RNF123: variants seen among roughly 807,000 people sequenced by gnomAD.
RNF123 encodes the protein ring finger protein 123.
Under a neutral mutation model 168.5 loss-of-function variants are expected in RNF123, and 86 were observed. That is an observed-to-expected ratio of 0.51 (90% CI 0.43 to 0.61). The LOEUF (loss-of-function observed/expected upper bound fraction) is 0.61, where lower values mean the gene tolerates loss of function less well. Among genes scored for constraint, RNF123 ranks in the 20% least tolerant of loss-of-function variants. The pLI, the probability that RNF123 is intolerant of heterozygous loss-of-function variation, is 0.00. For missense variants in RNF123, 1,419 were observed against 1,729.7 expected, an observed-to-expected ratio of 0.82 and a Z score of 3.19; for synonymous variants, 666 against 689.1, an observed-to-expected ratio of 0.97 and a Z score of 0.52.
intron 22 of RNF123, 75 bp from the exon 23 acceptor site, chr3:49,704,909 C>T: frequency 6.8e-7 from 1 of 1,465,276 alleles, no homozygotes; most frequent in Non-Finnish European, 9.2e-7. Context: ...TGGACCCTCC[C>T]TCACAATTCT....
Position 49,713,369 on chromosome 3 carries a change from G to A in RNF123, c.2675-144G>A, listed in dbSNP as rs1413754576. ...ACAGCCACCAATGAATGCTTTGCCCGATGTCCCCAGATGCCACCCTGGGTC... is the reference window on the plus strand; with the variant it reads ...ACAGCCACCAATGAATGCTTTGCCCAATGTCCCCAGATGCCACCCTGGGTC... On this transcript the variant is annotated intron_variant, in intron 27 of 38. Coordinates refer to ENST00000327697, the MANE Select transcript of RNF123 (RefSeq NM_022064.5). 19 of 708,474 alleles carry A rather than the reference G, an allele frequency of 2.7e-5. No homozygotes were observed. In the East Asian group the frequency reaches 4.1e-4, roughly 15 times the overall value. 43.9% of individuals were successfully genotyped at this position (708,474 alleles called of 1,614,324 possible).
intron 22 of RNF123, 29 bp from the exon 23 acceptor site, chr3:49,704,955 C>G (rs1327188075): frequency 8.3e-6 from 13 of 1,575,142 alleles, no homozygotes; most frequent in Non-Finnish European, 1.1e-5. Context: ...TGAGCCAGCC[C>G]TGGTCCTGGC....
intron 21 of RNF123, among the ~76,000 whole-genome samples, chr3:49,704,033 A>G (rs1575528625): frequency 1.3e-5 from 2 of 152,194 alleles, no homozygotes; most frequent in East Asian, 1.9e-4. Flanking sequence ...GAGAGGAGTC[A>G]GGATGACCCC....
intron 5 of RNF123, 75 bp downstream of exon 5, chr3:49,697,532 C>T (rs911893242): frequency 1.7e-6 from 2 of 1,188,588 alleles, no homozygotes; most frequent in African/African-American, 1.5e-5. Context: ...TGATGTGGCC[C>T]TAGTCTCTCT....
Position 49,699,013 on chromosome 3 carries a change from C to T in RNF123, c.672C>T (p.Asn224=). The T allele has an allele frequency of 1.2e-6, 2 of 1,613,978 alleles. No homozygotes were observed. Among genetic ancestry groups the T allele is most frequent in the Non-Finnish European group, 1.7e-6 (2 of 1,180,032 alleles). The change falls in exon 10 of 39, where the codon AAC becomes AAT. Residue 224 remains asparagine, a synonymous_variant. Coordinates refer to ENST00000327697, the MANE Select transcript of RNF123 (RefSeq NM_022064.5). This position sits in a 1 kb window ranked among gnomAD's most constrained non-coding sequence, Gnocchi z 4.8. ...NGVSLGTAFE[N]LSRGLGMAYF... is the part of the protein sequence containing the mutation. ...TATCACTGGGCACTGCCTTTGAGAA[C>T]CTGTCCAGGGGCCTGGGTATGGCCT...
intron 27 of RNF123, 112 bp downstream of exon 27, chr3:49,712,768 G>A (rs1279289406): frequency 6.5e-6 from 8 of 1,232,474 alleles, no homozygotes; most frequent in South Asian, 4.9e-5. Context: ...TGTGGGGGGC[G>A]GGGAGGGGAG....
At chr3:49,713,637 T>C (rs2080185117) in intron 28 of RNF123, 50 bp downstream of exon 28, 3 of 1,586,614 alleles carry the variant, frequency 1.9e-6, no homozygotes, top group Non-Finnish European at 2.6e-6. Context: ...GGATGGCACC[T>C]CTGGTCGGCT....
chr3:49,703,252 A>T (rs2054444155), intron 20 of RNF123, among the ~76,000 whole-genome samples, 175 bp from the exon 21 acceptor site: 1 of 151,922 alleles, frequency 6.6e-6, no homozygotes. Flanking sequence ...GGTGGAGAAG[A>T]GGTAGGGGAG....
At chr3:49,717,034 C>T (rs1215427705) in intron 35 of RNF123, 1 of 153,840 alleles carries the variant, frequency 6.5e-6, no homozygotes, top group Non-Finnish European at 1.4e-5. Flanking sequence ...AGACCAGTGC[C>T]AGCCCTTAAG....
chr3:49,696,915 G>A, intron 3 of RNF123: 1 of 498,294 alleles, frequency 2.0e-6, no homozygotes, highest in South Asian at 1.8e-5. Context: ...CAAAGTGCTG[G>A]GATTACAGGC....
chr3:49,718,094 C>T, intron 35 of RNF123: 1 of 1,613,592 alleles, frequency 6.2e-7, no homozygotes, highest in Non-Finnish European at 8.5e-7. Context: ...CGGCCTGGCT[C>T]CAGAAAGACT....
chr3:49,721,507 G>A lies in RNF123; in HGVS notation c.*202G>A. The A allele has an allele frequency of 1.2e-6, 1 of 846,306 alleles. No homozygotes were observed. The highest frequency in any genetic ancestry group is 2.0e-6 in the Non-Finnish European group (1 of 503,898). The allele number at this position is 846,306 out of a possible 1,614,324, so 52.4% of individuals were successfully genotyped here. ...TGACTTTCAGTCAGGGCCACAGTGAGCATTAAATTATTATTCCATACAGCC... is the reference window on the plus strand; with the variant it reads ...TGACTTTCAGTCAGGGCCACAGTGAACATTAAATTATTATTCCATACAGCC... On this transcript the variant is annotated 3_prime_UTR_variant, in exon 39 of 39. Coordinates refer to ENST00000327697, the MANE Select transcript of RNF123 (RefSeq NM_022064.5).
rs140019398 is a variant in RNF123 at position 49,720,079 on chromosome 3, G to A, written c.3501-432G>A. ...GCCTGTAATCCCAGCACTTTGGGAA[G>A]CCAAGGCAGGTGGATCACCTGAGGT... is the stretch of plus-strand genomic sequence containing the variant. On this transcript the variant is annotated intron_variant, in intron 35 of 38. Coordinates refer to ENST00000327697, the MANE Select transcript of RNF123 (RefSeq NM_022064.5). The A allele has an allele frequency of 5.2e-3, 838 of 159,634 alleles. 3 individuals are homozygous for A. The highest frequency in any genetic ancestry group is 0.023 in the Middle Eastern group (7 of 310). 9.9% of individuals were successfully genotyped at this position (159,634 alleles called of 1,614,324 possible).
At chr3:49,705,266 C>T in intron 23 of RNF123, 84 bp downstream of exon 23, 1 of 1,461,444 alleles carries the variant, frequency 6.8e-7, no homozygotes, top group South Asian at 1.3e-5. Context: ...CCAAAATACA[C>T]CCCATGCCCT....
chr3:49,705,696 C>A lies in RNF123; in HGVS notation c.2304+17C>A. Reference sequence around the variant, plus strand: ...CTGGGCAAGGTCGTGCACTCTTGGACCCCGCATTGGGTGGCGGGTGTTGTG... The same window carrying A: ...CTGGGCAAGGTCGTGCACTCTTGGAACCCGCATTGGGTGGCGGGTGTTGTG... On this transcript the variant is annotated intron_variant, in intron 24 of 38. Transcript: ENST00000327697. 2 of 1,613,992 alleles carry A rather than the reference C, an allele frequency of 1.2e-6. No individual in the cohort carries two copies. The highest frequency in any genetic ancestry group is 1.7e-6 in the Non-Finnish European group (2 of 1,179,952).
At chr3:49,719,154 G>A (rs763999842) in intron 35 of RNF123, 1 of 1,613,610 alleles carries the variant, frequency 6.2e-7, no homozygotes, top group South Asian at 1.1e-5. Context: ...CGTTGACGAA[G>A]ACGCCGCGAC....
chr3:49,715,528 C>T (rs1233837016), intron 31 of RNF123, 47 bp from the exon 32 acceptor site: 2 of 1,610,454 alleles, frequency 1.2e-6, no homozygotes, highest in East Asian at 4.5e-5. Flanking sequence ...CAGGCAGAGG[C>T]CACTGCAGTG....
At position 49,698,826 on chromosome 3, in the gene RNF123, A is replaced by G. The variant is rs1269980622; in HGVS notation, c.638+4A>G. 1 of 1,613,862 alleles carries G rather than the reference A, an allele frequency of 6.2e-7. No individual in the cohort carries two copies. Among genetic ancestry groups the G allele is most frequent in the African/African-American group, 1.3e-5 (1 of 75,030 alleles). ...ATGGCACTCTGTCCTTCTGCCTGTG[A>G]GTTTCCTATCTCTATGCACAGGCCT... On this transcript the variant is annotated splice_donor_region_variant and intron_variant, in intron 9 of 38. Coordinates refer to ENST00000327697, the MANE Select transcript of RNF123 (RefSeq NM_022064.5).
chr3:49,703,496 G>T lies in RNF123; in HGVS notation c.1820G>T (p.Gly607Val), dbSNP rs756190566. The T allele has an allele frequency of 1.2e-6, 2 of 1,614,122 alleles. No homozygotes were observed. Among genetic ancestry groups the T allele is most frequent in the Non-Finnish European group, 1.7e-6 (2 of 1,179,978 alleles). The change falls in exon 21 of 39, where the codon GGC (glycine) becomes GTC (valine). Residue 607 changes from glycine to valine, a missense_variant. Gly to Val is a moderately radical substitution (Grantham distance 109). Coordinates refer to ENST00000327697, the MANE Select transcript of RNF123 (RefSeq NM_022064.5). ...VDYFDLQRLG[G>V]LLSHLRKTLK... Reference sequence around the variant, plus strand: ...TACTTTGACCTGCAGCGCCTGGGGGGCCTCCTCTCGCACCTGCGGAAGACC... The same window carrying T: ...TACTTTGACCTGCAGCGCCTGGGGGTCCTCCTCTCGCACCTGCGGAAGACC...
Sources: allele counts gnomAD v4.1 joint callset (sites outside exome capture counted in the v4.1 genomes callset), GRCh38; gene constraint gnomAD v4.1.1; non-coding constraint Gnocchi (gnomAD v3.1); transcripts MANE v1.5; gene names NCBI Gene and HGNC (gene_info 2026-07-23, HGNC 2026-07-21).